CCSER2: variants seen among roughly 807,000 people sequenced by gnomAD.
The protein encoded by CCSER2 is serine-rich coiled-coil domain-containing protein 2.
Under a neutral mutation model 92.3 loss-of-function variants are expected in CCSER2, and 46 were observed. The ratio of observed to expected loss-of-function variants is 0.50; its 90% CI spans 0.39 to 0.64. The LOEUF (loss-of-function observed/expected upper bound fraction) is 0.64, where lower values mean the gene tolerates loss of function less well. Ranked by LOEUF, CCSER2 falls within the 30% of genes least tolerant of loss-of-function variation. CCSER2 has a pLI of 0.00. For synonymous variants in CCSER2, 433 were observed against 431.4 expected (o/e 1.00, Z -0.04); for missense variants, 1,244 against 1,238.9 (o/e 1.00, Z -0.06).
rs1379096573 is a variant in CCSER2, at chr10:84,372,346, G to A, written c.1294G>A (p.Glu432Lys). 2.1e-5 allele frequency: 34 copies of A among 1,612,048 alleles called. No homozygotes were observed. The highest frequency in any genetic ancestry group is 2.8e-5 in the Non-Finnish European group (33 of 1,178,740). The change falls in exon 2 of 10, where the codon GAG (glutamate) becomes AAG (lysine). Residue 432 changes from glutamate (E) to lysine (K), a missense_variant. By Grantham distance (56) the Glu-to-Lys change is moderately conservative. Transcript: ENST00000372088. ...EDSNRTRITPEEMSLKEEKHE... is the reference protein window; with the variant it reads ...EDSNRTRITPKEMSLKEEKHE... ...CTCCAACAGAACTAGAATAACTCCA[G>A]AGGAAATGTCTCTCAAAGAAGAGAA...
intron 6 of CCSER2, among the ~76,000 whole-genome samples, chr10:84,441,736 G>T (rs199899759): frequency 0.22 from 9,668 of 43,424 alleles, 834 homozygotes; most frequent in South Asian, 0.38. Context: ...CTGGGAAAAT[G>T]TTTTTTTTTT....
chr10:84,486,112 A>G (rs1279986211), intron 9 of CCSER2, among the ~76,000 whole-genome samples: 1 of 152,124 alleles, frequency 6.6e-6, no homozygotes, highest in South Asian at 2.1e-4. Context: ...CATGGTGTAT[A>G]TGTGCCACAT....
At position 84,462,551 on chromosome 10, in the gene CCSER2, ACTTT is replaced by A. The variant is rs201538108; in HGVS notation, c.2065-1377_2065-1374del. On this transcript the variant is annotated intron_variant, in intron 6 of 9. Transcript: ENST00000372088. ...AGATGAGTCCTGTAAAACTCACTTT[ACTTT>A]CTTTATTTCTTAATTTTTAAAAATG... Among the ~76,000 whole-genome samples the A allele has an allele frequency of 5.2e-3, 799 of 152,298 alleles. 8 individuals are homozygous for A. Among genetic ancestry groups the A allele is most frequent in the African/African-American group, 0.019 (778 of 41,574 alleles).
intron 6 of CCSER2, among the ~76,000 whole-genome samples, chr10:84,454,412 A>AG (rs1845481340): frequency 6.6e-6 from 1 of 152,164 alleles, no homozygotes; most frequent in Non-Finnish European, 1.5e-5. Context: ...ATGAATTTCT[A>AG]GGGGGTACAT....
chr10:84,421,527 C>T (rs552594883), intron 4 of CCSER2, among the ~76,000 whole-genome samples: 1 of 152,064 alleles, frequency 6.6e-6, no homozygotes, highest in African/African-American at 2.4e-5. Flanking sequence ...CTCACTATCA[C>T]CAGAACATCA....
chr10:84,355,680 A>G (rs1478497400), intron 1 of CCSER2, among the ~76,000 whole-genome samples: 1 of 152,246 alleles, frequency 6.6e-6, no homozygotes, highest in Non-Finnish European at 1.5e-5. Flanking sequence ...TTTAATAACT[A>G]AATGAATGTA....
At chr10:84,480,856 G>A (rs1172928717) in intron 9 of CCSER2, among the ~76,000 whole-genome samples, 5 of 152,166 alleles carry the variant, frequency 3.3e-5, no homozygotes, top group Admixed American at 6.5e-5. Context: ...TTTAACCTAC[G>A]TAGGTAGTGG....
chr10:84,403,648 GATATGGATGGGAA>G (rs1842233298), intron 3 of CCSER2, among the ~76,000 whole-genome samples: 1 of 152,126 alleles, frequency 6.6e-6, no homozygotes, highest in African/African-American at 2.4e-5. Context: ...CCAAAGAGGA[GATATGGATGGGAA>G]ATAAGGACAT....
intron 1 of CCSER2, among the ~76,000 whole-genome samples, chr10:84,366,865 G>T (rs890298158): frequency 1.5e-4 from 23 of 152,316 alleles, no homozygotes; most frequent in South Asian, 1.2e-3. Flanking sequence ...TAGAAGTAAG[G>T]TTGGAATCTT....
intron 6 of CCSER2, among the ~76,000 whole-genome samples, chr10:84,447,721 A>ATG (rs1845012885): frequency 6.6e-6 from 1 of 152,210 alleles, no homozygotes; most frequent in Admixed American, 6.5e-5. Flanking sequence ...CATTTAAAGT[A>ATG]TGAGGTAGAG....
chr10:84,390,303 T>C (rs1250782202), intron 3 of CCSER2, among the ~76,000 whole-genome samples: 1 of 152,184 alleles, frequency 6.6e-6, no homozygotes, highest in African/African-American at 2.4e-5. Context: ...TATTTAACAA[T>C]GGAAATACAT....
At chr10:84,392,391 T>C (rs914719829) in intron 3 of CCSER2, among the ~76,000 whole-genome samples, 2 of 148,696 alleles carry the variant, frequency 1.3e-5, no homozygotes, top group Admixed American at 6.7e-5. Context: ...TTATGGAGAA[T>C]TGTACCAAAA....
chr10:84,381,945 C>T (rs1355585379), intron 3 of CCSER2, among the ~76,000 whole-genome samples: 13 of 150,358 alleles, frequency 8.6e-5, no homozygotes, highest in East Asian at 2.0e-4. Context: ...AAAGAACATC[C>T]GTCGTGGACA....
chr10:84,399,485 AG>A (rs1457768691), intron 3 of CCSER2, among the ~76,000 whole-genome samples: 1 of 152,198 alleles, frequency 6.6e-6, no homozygotes, highest in African/African-American at 2.4e-5. Context: ...AGTCGGAGAT[AG>A]GAACACTGGA....
At chr10:84,457,273 A>ATATATTATATATAAATATATT (rs1464003821) in intron 6 of CCSER2, among the ~76,000 whole-genome samples, 13 of 69,648 alleles carry the variant, frequency 1.9e-4, no homozygotes, top group South Asian at 3.7e-4. Flanking sequence ...TATTATATAT[A>ATATATTATATATAAATATATT]ATATATTATA....
intron 9 of CCSER2, among the ~76,000 whole-genome samples, chr10:84,512,052 T>A (rs1444665192): frequency 6.6e-6 from 1 of 152,150 alleles, no homozygotes; most frequent in Non-Finnish European, 1.5e-5. Flanking sequence ...TATGCCATCA[T>A]AGCCAACCAT....
intron 9 of CCSER2, among the ~76,000 whole-genome samples, chr10:84,502,049 T>A (rs1014797283): frequency 1.3e-5 from 2 of 149,564 alleles, no homozygotes; most frequent in Non-Finnish European, 3.0e-5. Flanking sequence ...AGGGGAAATA[T>A]GCTCTAAACT....
At chr10:84,363,652 G>A (rs940333998) in intron 1 of CCSER2, among the ~76,000 whole-genome samples, 10 of 152,144 alleles carry the variant, frequency 6.6e-5, no homozygotes, top group African/African-American at 2.4e-4. Context: ...GATATGAAAG[G>A]AGTTTGAAAA....
At chr10:84,411,064 A>G (rs577693976) in intron 3 of CCSER2, among the ~76,000 whole-genome samples, 7 of 152,288 alleles carry the variant, frequency 4.6e-5, no homozygotes, top group African/African-American at 1.2e-4. Context: ...GTGGAAAATC[A>G]TATGGTTATA....
Sources: allele counts gnomAD v4.1 joint callset (sites outside exome capture counted in the v4.1 genomes callset), GRCh38; gene constraint gnomAD v4.1.1; transcripts MANE v1.5; gene names NCBI Gene and HGNC (gene_info 2026-07-23, HGNC 2026-07-21).